Variants in UBE2G1 observed in about 807,000 individuals in gnomAD.
UBE2G1 encodes the protein ubiquitin-conjugating enzyme E2 G1.
In UBE2G1, 5 loss-of-function variants were observed where a neutral mutation model predicts 22.7. The ratio of observed to expected loss-of-function variants is 0.22; its 90% CI spans 0.12 to 0.46. The LOEUF is 0.46. UBE2G1 is among the 20% of genes least tolerant of loss of function. The pLI is 0.99. For missense variants in UBE2G1, 88 were observed against 203.9 expected (o/e 0.43, Z 3.46); for synonymous variants, 74 against 67.5 (o/e 1.10, Z -0.47).
intron 2 of UBE2G1, among the ~76,000 whole-genome samples, chr17:4,300,744 C>G (rs1969167785): frequency 6.6e-6 from 1 of 151,510 alleles, no homozygotes. Context: ...GCGGGTAGAT[C>G]ATGAGGTCAG....
intron 5 of UBE2G1, among the ~76,000 whole-genome samples, chr17:4,280,792 C>T (rs1968879158): frequency 6.6e-6 from 1 of 151,976 alleles, no homozygotes; most frequent in Non-Finnish European, 1.5e-5. Flanking sequence ...CGCCACTGTG[C>T]CTGGCTAATT....
At chr17:4,287,399 G>A (rs1968977888) in intron 4 of UBE2G1, among the ~76,000 whole-genome samples, 1 of 152,024 alleles carries the variant, frequency 6.6e-6, no homozygotes, top group Non-Finnish European at 1.5e-5. Context: ...ACCACGCCTG[G>A]CCAACTCTGA....
At chr17:4,296,600 C>T (rs1969115526) in intron 3 of UBE2G1, 117 bp downstream of exon 3, 3 of 1,012,812 alleles carry the variant, frequency 3.0e-6, no homozygotes, top group Non-Finnish European at 4.6e-6. Context: ...GCACAATGAA[C>T]AGTACAAAAA....
At chr17:4,300,271 G>C (rs1317036967) in intron 2 of UBE2G1, among the ~76,000 whole-genome samples, 1 of 152,150 alleles carries the variant, frequency 6.6e-6, no homozygotes, top group African/African-American at 2.4e-5. Flanking sequence ...GGCCAGGCAA[G>C]GTGGCTCACG....
At chr17:4,321,627 G>A (rs1969439454) in intron 1 of UBE2G1, among the ~76,000 whole-genome samples, 2 of 151,974 alleles carry the variant, frequency 1.3e-5, no homozygotes, top group African/African-American at 4.8e-5. Flanking sequence ...TGAGTAGCTG[G>A]GACCACAGGC....
chr17:4,273,981 T>C (rs1176329464), intron 5 of UBE2G1, among the ~76,000 whole-genome samples: 1 of 152,074 alleles, frequency 6.6e-6, no homozygotes, highest in Non-Finnish European at 1.5e-5. Context: ...AAGCCCAATA[T>C]GAACTTACCA....
intron 1 of UBE2G1, among the ~76,000 whole-genome samples, chr17:4,354,704 G>C (rs1029094563): frequency 2.0e-5 from 3 of 152,088 alleles, no homozygotes; most frequent in Admixed American, 6.6e-5. Context: ...TTCAAGGTGG[G>C]AGGATTGCTT....
intron 1 of UBE2G1, among the ~76,000 whole-genome samples, chr17:4,316,486 A>AAAGG (rs1258748143): frequency 2.0e-5 from 3 of 152,282 alleles, no homozygotes; most frequent in Admixed American, 2.0e-4. Context: ...TAACTGCAAA[A>AAAGG]ACGTTCCCGT....
At chr17:4,329,180 C>A (rs985952106) in intron 1 of UBE2G1, among the ~76,000 whole-genome samples, 3 of 150,114 alleles carry the variant, frequency 2.0e-5, no homozygotes, top group Non-Finnish European at 2.9e-5. Flanking sequence ...AGGCGGATTG[C>A]CTGAGCTCAG....
intron 5 of UBE2G1, among the ~76,000 whole-genome samples, chr17:4,279,788 TATATATATATATATA>T (rs1968863551): frequency 2.6e-5 from 3 of 113,234 alleles, no homozygotes; most frequent in African/African-American, 1.7e-4. Context: ...AAAAAAGTTA[TATATATATATATATA>T]TATATATATA....
chr17:4,277,794 A>AC (rs1046573653), intron 5 of UBE2G1, among the ~76,000 whole-genome samples: 4 of 151,584 alleles, frequency 2.6e-5, no homozygotes, highest in Admixed American at 2.6e-4. Context: ...TGAAAACACA[A>AC]AAAATACTCA....
At chr17:4,350,616 C>G (rs933961326) in intron 1 of UBE2G1, among the ~76,000 whole-genome samples, 1 of 152,122 alleles carries the variant, frequency 6.6e-6, no homozygotes. Context: ...GCAACTTAGA[C>G]GTAATTATTT....
chr17:4,314,886 G>A (rs1460227226), intron 1 of UBE2G1, among the ~76,000 whole-genome samples: 1 of 152,180 alleles, frequency 6.6e-6, no homozygotes, highest in Non-Finnish European at 1.5e-5. Context: ...TAAAGAACAA[G>A]ACCTAGAATC....
intron 1 of UBE2G1, among the ~76,000 whole-genome samples, chr17:4,316,530 G>C (rs1969375979): frequency 6.6e-6 from 1 of 152,096 alleles, no homozygotes; most frequent in African/African-American, 2.4e-5. Flanking sequence ...ACTGAAAAAA[G>C]TCAAGCATAG....
At chr17:4,324,275 A>G (rs374389920) in intron 1 of UBE2G1, among the ~76,000 whole-genome samples, 1 of 152,212 alleles carries the variant, frequency 6.6e-6, no homozygotes, top group Non-Finnish European at 1.5e-5. Context: ...CACTAGTCGC[A>G]TGTGGCTACT....
chr17:4,328,763 C>T (rs978857358), intron 1 of UBE2G1, among the ~76,000 whole-genome samples: 12 of 152,174 alleles, frequency 7.9e-5, no homozygotes, highest in African/African-American at 2.9e-4. Flanking sequence ...TTGACTGCCA[C>T]TTGATGGGCT....
At chr17:4,300,674 A>C (rs533394757) in intron 2 of UBE2G1, among the ~76,000 whole-genome samples, 1 of 149,760 alleles carries the variant, frequency 6.7e-6, no homozygotes, top group East Asian at 2.0e-4. Context: ...TATTAAAAAG[A>C]GGTATGTAGG....
intron 1 of UBE2G1, among the ~76,000 whole-genome samples, chr17:4,353,812 A>ATTTTTTT (rs11437680): frequency 9.5e-6 from 1 of 104,846 alleles, no homozygotes. Flanking sequence ...GCCCGGTCAA[A>ATTTTTTT]TTTTTTTTTT....
chr17:4,357,004 G>C (rs1969913043), intron 1 of UBE2G1, among the ~76,000 whole-genome samples: 1 of 151,990 alleles, frequency 6.6e-6, no homozygotes, highest in African/African-American at 2.4e-5. Context: ...TATAACTCTA[G>C]CACAATATCA....
Sources: allele counts gnomAD v4.1 joint callset (sites outside exome capture counted in the v4.1 genomes callset), GRCh38; gene constraint gnomAD v4.1.1; transcripts MANE v1.5; gene names NCBI Gene and HGNC (gene_info 2026-07-23, HGNC 2026-07-21).